The following NFIB variants were observed in gnomAD, a reference collection of about 807,000 sequenced individuals.
The protein encoded by NFIB is nuclear factor 1 B-type.
In NFIB, 11 loss-of-function variants were observed where a neutral mutation model predicts 61.5. The ratio of observed to expected loss-of-function variants is 0.18; its 90% CI spans 0.11 to 0.30. The LOEUF is 0.30. NFIB is among the 10% of genes least tolerant of loss of function. The probability of loss-of-function intolerance (pLI) is 1.00; values close to 1 mark genes in which losing one functional copy is unlikely to be tolerated. For synonymous variants in NFIB, 260 were observed against 216.5 expected (o/e 1.20, Z -1.76); for missense variants, 471 against 608.9 (o/e 0.77, Z 2.38).
At chr9:14,305,257 C>A (rs1175168395) in intron 2 of NFIB, among the ~76,000 whole-genome samples, 1 of 152,128 alleles carries the variant, frequency 6.6e-6, no homozygotes, top group Non-Finnish European at 1.5e-5. Flanking sequence ...CAAAACCTAG[C>A]CTTCAAGCAA....
the NFIB span, among the ~76,000 whole-genome samples, chr9:14,483,705 GT>G: frequency 1.4e-4 from 22 of 152,308 alleles, no homozygotes; most frequent in African/African-American, 4.3e-4. Context: ...ATCTCTAAGA[GT>G]AGCACTATCT....
intron 1 of NFIB, among the ~76,000 whole-genome samples, chr9:14,372,325 T>C (rs959678907): frequency 6.6e-6 from 1 of 152,222 alleles, no homozygotes; most frequent in Non-Finnish European, 1.5e-5. Context: ...AAGGAGCCTC[T>C]AATTTTATCC....
In NFIB at chr9:14,313,967, C is replaced by A; in HGVS notation, c.-456G>T. 1 of 858,232 alleles carries A rather than the reference C, an allele frequency of 1.2e-6. No individual in the cohort carries two copies. Among genetic ancestry groups the A allele is most frequent in the Non-Finnish European group, 1.3e-6 (1 of 759,784 alleles). 53.2% of individuals were successfully genotyped at this position (858,232 alleles called of 1,614,324 possible). ...AGGCGGGGAGGGGGGCGCGGGAGGG[C>A]GCAGGAGGGCGAGCGGGCGGGCGGG... On this transcript the variant is annotated 5_prime_UTR_variant, in exon 1 of 11. Coordinates refer to ENST00000380953, the MANE Select transcript of NFIB (RefSeq NM_001190737.2). The surrounding 1 kb of genome is among the most constrained non-coding windows in gnomAD (Gnocchi z 4.5).
chr9:14,449,397 A>G, the NFIB span, among the ~76,000 whole-genome samples: 1 of 152,194 alleles, frequency 6.6e-6, no homozygotes, highest in Non-Finnish European at 1.5e-5. Context: ...GGGCTTCAGG[A>G]CTTTAAACAT....
the NFIB span, among the ~76,000 whole-genome samples, chr9:14,430,557 G>C: frequency 2.0e-5 from 3 of 150,460 alleles, no homozygotes; most frequent in African/African-American, 7.4e-5. Flanking sequence ...AGAATGGCTT[G>C]CCTTTTCCCT....
intron 2 of NFIB, among the ~76,000 whole-genome samples, chr9:14,248,796 G>C (rs1253639453): frequency 6.6e-6 from 1 of 152,170 alleles, no homozygotes; most frequent in African/African-American, 2.4e-5. Context: ...GGACTAGTGA[G>C]GAAGGGAACA....
the NFIB span, among the ~76,000 whole-genome samples, chr9:14,453,457 T>C: frequency 6.6e-6 from 1 of 152,228 alleles, no homozygotes; most frequent in East Asian, 1.9e-4. Flanking sequence ...CATCTACTCT[T>C]GAATTAAGAT....
At chr9:14,393,969 G>C (rs79213957) in intron 1 of NFIB, among the ~76,000 whole-genome samples, 4,835 of 152,264 alleles carry the variant, frequency 0.032, 123 homozygotes, top group Non-Finnish European at 0.05. Flanking sequence ...TCATGAGAGG[G>C]AATGCTAAAT....
chr9:14,381,174 T>G (rs1373638929), intron 1 of NFIB, among the ~76,000 whole-genome samples: 2 of 151,600 alleles, frequency 1.3e-5, no homozygotes. Flanking sequence ...GCAAAAAGCA[T>G]TTTCTTGTGT....
intron 2 of NFIB, among the ~76,000 whole-genome samples, chr9:14,218,528 A>T (rs1011027718): frequency 3.3e-5 from 5 of 152,226 alleles, no homozygotes; most frequent in African/African-American, 1.2e-4. Flanking sequence ...GTAGAACTCC[A>T]AGTTGGGCTT....
chr9:14,517,558 G>A, the NFIB span, among the ~76,000 whole-genome samples: 1 of 152,080 alleles, frequency 6.6e-6, no homozygotes, highest in African/African-American at 2.4e-5. Context: ...CTACGTCTGT[G>A]AAGTTTCACT....
At chr9:14,497,944 G>T in the NFIB span, among the ~76,000 whole-genome samples, 2 of 152,216 alleles carry the variant, frequency 1.3e-5, no homozygotes, top group African/African-American at 4.8e-5. Context: ...GGAAGTACCA[G>T]AAGTTTCAAA....
At chr9:14,250,538 C>T (rs1158377480) in intron 2 of NFIB, among the ~76,000 whole-genome samples, 1 of 152,208 alleles carries the variant, frequency 6.6e-6, no homozygotes, top group Non-Finnish European at 1.5e-5. Context: ...GGCCTCACTA[C>T]TACCTCAATT....
At chr9:14,509,815 G>A in the NFIB span, among the ~76,000 whole-genome samples, 1 of 152,184 alleles carries the variant, frequency 6.6e-6, no homozygotes, top group African/African-American at 2.4e-5. Context: ...AAACTAGCAG[G>A]TGTGGTAAGT....
At chr9:14,204,337 CCT>C (rs747605458) in intron 2 of NFIB, 23 of 765,656 alleles carry the variant, frequency 3.0e-5, no homozygotes, top group Middle Eastern at 3.3e-4. Context: ...TGGTCAACCC[CCT>C]GTTTGAGAAA....
chr9:14,515,826 C>G, the NFIB span, among the ~76,000 whole-genome samples: 1 of 152,196 alleles, frequency 6.6e-6, no homozygotes, highest in Non-Finnish European at 1.5e-5. Context: ...CCACCCAGAA[C>G]ACATTTTAAG....
chr9:14,218,013 C>T (rs942692165), intron 2 of NFIB, among the ~76,000 whole-genome samples: 1 of 152,148 alleles, frequency 6.6e-6, no homozygotes, highest in African/African-American at 2.4e-5. Flanking sequence ...TACTTTCCAT[C>T]CCAGGCTCAG....
intron 1 of NFIB, among the ~76,000 whole-genome samples, chr9:14,369,283 T>C (rs1382568964): frequency 6.6e-6 from 1 of 152,220 alleles, no homozygotes; most frequent in African/African-American, 2.4e-5. Flanking sequence ...GAAGATGATG[T>C]GGAAGCTGGT....
chr9:14,306,059 A>G, intron 2 of NFIB: 1 of 771,058 alleles, frequency 1.3e-6, no homozygotes, highest in Non-Finnish European at 1.9e-6. Flanking sequence ...AAAATAATAA[A>G]CATTTCATTA....
Sources: allele counts gnomAD v4.1 joint callset (sites outside exome capture counted in the v4.1 genomes callset), GRCh38; gene constraint gnomAD v4.1.1; non-coding constraint Gnocchi (gnomAD v3.1); transcripts MANE v1.5; gene names NCBI Gene and HGNC (gene_info 2026-07-23, HGNC 2026-07-21).